The following SNTG2 variants were observed in gnomAD, a reference collection of about 807,000 sequenced individuals.
SNTG2 encodes gamma-2-syntrophin.
SNTG2 carries 74 observed loss-of-function variants against 70.9 expected under a neutral mutation model. The ratio of observed to expected loss-of-function variants is 1.04; its 90% confidence interval spans 0.86 to 1.27. The LOEUF (loss-of-function observed/expected upper bound fraction) is 1.27. Ranked by LOEUF, SNTG2 falls within the 50% of genes most tolerant of loss-of-function variation. The pLI, the probability that SNTG2 is intolerant of heterozygous loss-of-function variation, is 0.00. For synonymous variants in SNTG2, 278 were observed against 273.8 expected (o/e 1.02, Z -0.15); for missense variants, 717 against 690.7 (o/e 1.04, Z -0.43).
intron 8 of SNTG2, among the ~76,000 whole-genome samples, chr2:1,202,306 G>A (rs1673324212): frequency 9.6e-6 from 1 of 104,546 alleles, no homozygotes; most frequent in South Asian, 3.3e-4. Context: ...CAAGGGCACA[G>A]TCAGTTGAGG....
intron 6 of SNTG2, among the ~76,000 whole-genome samples, chr2:1,151,083 A>C (rs1438180692): frequency 6.6e-6 from 1 of 152,234 alleles, no homozygotes; most frequent in African/African-American, 2.4e-5. Context: ...AAAGTATAGA[A>C]TATATGGTAT....
chr2:1,003,703 G>T (rs748496609), intron 1 of SNTG2, among the ~76,000 whole-genome samples: 1 of 152,120 alleles, frequency 6.6e-6, no homozygotes, highest in Non-Finnish European at 1.5e-5. Context: ...TATGAGTTTC[G>T]GAAGGAGCTG....
Position 998,372 on chromosome 2 carries a change from A to C in SNTG2, c.72+47304A>C, listed in dbSNP as rs189359895. On this transcript the variant is annotated intron_variant, in intron 1 of 16. Transcript: ENST00000308624. ...AGAGAAACTTGTTGAGTTTCAAGAG[A>C]AAGTTGAAAAACAACAGAAAGAAAT... Among the ~76,000 whole-genome samples, 516 of 152,246 alleles carry C rather than the reference A, an allele frequency of 3.4e-3. 3 individuals are homozygous for C. The highest frequency in any genetic ancestry group is 0.011 in the African/African-American group (451 of 41,542).
At chr2:1,335,709 G>A (rs1048586176) in intron 16 of SNTG2, among the ~76,000 whole-genome samples, 1 of 151,898 alleles carries the variant, frequency 6.6e-6, no homozygotes, top group African/African-American at 2.4e-5. Context: ...TGAACACCGA[G>A]AAACCACGTG....
At chr2:1,116,638 T>G (rs1285528469) in intron 4 of SNTG2, among the ~76,000 whole-genome samples, 1 of 116,930 alleles carries the variant, frequency 8.6e-6, no homozygotes, top group African/African-American at 3.3e-5. Context: ...GTGTGGGTGC[T>G]CCAGTGTATG....
intron 8 of SNTG2, among the ~76,000 whole-genome samples, chr2:1,200,440 T>A (rs1387101983): frequency 6.6e-6 from 1 of 151,956 alleles, no homozygotes; most frequent in African/African-American, 2.4e-5. Context: ...GTAGAAACAC[T>A]TCAGGACGCT....
Position 1,222,095 on chromosome 2 carries a change from GTC to G in SNTG2, c.719+12873_719+12874del, listed in dbSNP as rs1553362250. ...TCTGTCTCTGTCTCTGTCTCTCTCT[GTC>G]TCTCTCTGTCTCTCTCTGTCTCTCT... is the stretch of plus-strand genomic sequence containing the variant. On this transcript the variant is annotated intron_variant, in intron 9 of 16. Transcript: ENST00000308624. Among the ~76,000 whole-genome samples the G allele has an allele frequency of 0.022, 152 of 6,960 alleles. 34 individuals are homozygous for G. The East Asian group carries it at 0.23, about 10-fold the overall frequency. The allele number at this position is 6,960 out of a possible 152,430, so 4.6% of individuals were successfully genotyped here.
At chr2:1,227,966 G>A (rs1329381744) in intron 9 of SNTG2, among the ~76,000 whole-genome samples, 1 of 152,148 alleles carries the variant, frequency 6.6e-6, no homozygotes, top group Non-Finnish European at 1.5e-5. Context: ...CCCGCCTCGT[G>A]CAGGGGATGA....
At chr2:1,293,924 A>G (rs1680093808) in intron 14 of SNTG2, among the ~76,000 whole-genome samples, 1 of 152,204 alleles carries the variant, frequency 6.6e-6, no homozygotes, top group Non-Finnish European at 1.5e-5. Context: ...ACTGGAACCC[A>G]GAACAGTCCT....
rs13418857 is a variant in SNTG2 at position 1,085,760 on chromosome 2, G to T, written c.210+2105G>T. On this transcript the variant is annotated intron_variant, in intron 2 of 16. Transcript: ENST00000308624. Reference sequence around the variant, plus strand: ...AAGGATCTCAGGATTCTGTCTCCCAGAGACAGTGTGGGCTTTCAGGACGGG... The same window carrying T: ...AAGGATCTCAGGATTCTGTCTCCCATAGACAGTGTGGGCTTTCAGGACGGG... Among the ~76,000 whole-genome samples the T allele has an allele frequency of 3.1e-3, 476 of 152,338 alleles. 3 individuals carry two copies. The highest frequency in any genetic ancestry group is 0.011 in the African/African-American group (460 of 41,580).
chr2:1,309,848 T>A, intron 15 of SNTG2, among the ~76,000 whole-genome samples: 1 of 152,136 alleles, frequency 6.6e-6, no homozygotes, highest in East Asian at 1.9e-4. Flanking sequence ...AGTCACAGAG[T>A]GGGAAGTAGC....
intron 14 of SNTG2, among the ~76,000 whole-genome samples, chr2:1,296,770 G>T: frequency 6.6e-6 from 1 of 152,228 alleles, no homozygotes; most frequent in East Asian, 1.9e-4. Context: ...TTTAGGAACA[G>T]ACCACCTTTG....
chr2:1,222,235 G>C (rs778144448), intron 9 of SNTG2, among the ~76,000 whole-genome samples: 2 of 151,342 alleles, frequency 1.3e-5, no homozygotes, highest in Non-Finnish European at 3.0e-5. Flanking sequence ...AGGATTATTC[G>C]TTTTTTTTCA....
At chr2:1,170,730 G>A (rs563644240) in intron 7 of SNTG2, among the ~76,000 whole-genome samples, 11 of 152,202 alleles carry the variant, frequency 7.2e-5, no homozygotes, top group African/African-American at 2.2e-4. Context: ...CCTTTGTATG[G>A]GTTTTGTTTA....
At chr2:1,216,211 C>A (rs923241935) in intron 9 of SNTG2, among the ~76,000 whole-genome samples, 12 of 152,216 alleles carry the variant, frequency 7.9e-5, no homozygotes, top group Non-Finnish European at 1.6e-4. Context: ...TCCTCTCCAG[C>A]ACCTGTTGTT....
chr2:1,145,617 CCAAACATTA>C, intron 6 of SNTG2, among the ~76,000 whole-genome samples: 1 of 152,152 alleles, frequency 6.6e-6, no homozygotes, highest in Non-Finnish European at 1.5e-5. Flanking sequence ...GTGAGTTCTA[CCAAACATTA>C]CAGCAGAAAT....
chr2:950,850 G>A lies in SNTG2; in HGVS notation c.-147G>A. 1 of 252,222 alleles carries A rather than the reference G, an allele frequency of 4.0e-6. No homozygotes were observed. Among genetic ancestry groups the A allele is most frequent in the Non-Finnish European group, 7.2e-6 (1 of 138,950 alleles). The allele number at this position is 252,222 out of a possible 1,614,324, so 15.6% of individuals were successfully genotyped here. On this transcript the variant is annotated 5_prime_UTR_variant, in exon 1 of 17. Transcript: ENST00000308624. Reference sequence around the variant, plus strand: ...CGGCGGGCGGAGCTCCGGTTCCCCAGCCCTGCGCCCCGGTGGAGCCCGAGC... The same window carrying A: ...CGGCGGGCGGAGCTCCGGTTCCCCAACCCTGCGCCCCGGTGGAGCCCGAGC...
chr2:1,077,304 G>A (rs944311237), intron 1 of SNTG2, among the ~76,000 whole-genome samples: 2 of 152,174 alleles, frequency 1.3e-5, no homozygotes, highest in African/African-American at 2.4e-5. Flanking sequence ...CCATATGGAC[G>A]TCCATGTCCG....
At chr2:1,164,141 G>A (rs1670537150) in intron 6 of SNTG2, among the ~76,000 whole-genome samples, 2 of 152,190 alleles carry the variant, frequency 1.3e-5, no homozygotes, top group South Asian at 4.1e-4. Context: ...GAGCAAGGTG[G>A]GCTACGCCTG....
Sources: gnomAD v4.1 joint callset for allele counts (sites outside exome capture counted in the v4.1 genomes callset) on GRCh38, gnomAD v4.1.1 for gene constraint, MANE v1.5 for transcripts, NCBI Gene and HGNC (gene_info 2026-07-23, HGNC 2026-07-21) for gene names.